The following TRHDE variants were observed in gnomAD, a reference collection of about 807,000 sequenced individuals.
TRHDE encodes the protein thyrotropin-releasing hormone-degrading ectoenzyme.
Under a neutral mutation model 125.7 loss-of-function variants are expected in TRHDE, and 72 were observed. The ratio of observed to expected loss-of-function variants is 0.57; its 90% CI spans 0.47 to 0.70. The LOEUF (loss-of-function observed/expected upper bound fraction) is 0.70, where lower values mean the gene tolerates loss of function less well. TRHDE is among the 30% of genes least tolerant of loss of function. The pLI is 0.00. For missense variants in TRHDE, 1,110 were observed against 1,327.1 expected (o/e 0.84, Z 2.54); for synonymous variants, 509 against 509.1 (o/e 1.00, Z 0.00).
intron 1 of TRHDE, among the ~76,000 whole-genome samples, chr12:72,286,417 G>A (rs1463869247): frequency 6.6e-6 from 1 of 152,152 alleles, no homozygotes; most frequent in African/African-American, 2.4e-5. Flanking sequence ...TCTGTACTGT[G>A]TAATGTTTCA....
upstream of TRHDE, among the ~76,000 whole-genome samples, chr12:72,268,901 T>TC (rs1288978535): frequency 1.3e-5 from 2 of 152,092 alleles, no homozygotes; most frequent in African/African-American, 4.8e-5. Context: ...AATAAAGTAA[T>TC]CATAAAATTC....
chr12:72,381,727 T>C (rs1214779772), intron 3 of TRHDE, among the ~76,000 whole-genome samples: 1 of 152,134 alleles, frequency 6.6e-6, no homozygotes, highest in Non-Finnish European at 1.5e-5. Context: ...AAATATGTGA[T>C]TGTAAGAGAA....
intron 5 of TRHDE, among the ~76,000 whole-genome samples, chr12:72,475,253 A>G (rs192890138): frequency 6.6e-6 from 1 of 152,286 alleles, no homozygotes; most frequent in Admixed American, 6.5e-5. Flanking sequence ...AACTTTGTTT[A>G]AATTTCTCAT....
rs190225133 is a variant in TRHDE at position 72,553,912 on chromosome 12, A to G, written c.1789-8253A>G. Among the ~76,000 whole-genome samples, 328 of 149,104 alleles carry G rather than the reference A, an allele frequency of 2.2e-3. 2 individuals carry two copies. The highest frequency in any genetic ancestry group is 7.6e-3 in the African/African-American group (306 of 40,396). ...CACCCAGGCTGGAGTACAATGGTAC[A>G]ACCTCAACGCACTGCAACTTCTGCC... On this transcript the variant is annotated intron_variant, in intron 7 of 18. Coordinates refer to ENST00000261180, the MANE Select transcript of TRHDE (RefSeq NM_013381.3).
chr12:72,359,425 CA>C (rs1366306201), intron 2 of TRHDE, among the ~76,000 whole-genome samples: 2 of 151,550 alleles, frequency 1.3e-5, no homozygotes, highest in Non-Finnish European at 3.0e-5. Context: ...CAATACAAAA[CA>C]ACACAGAAAA....
chr12:72,181,270 G>T (rs1190263749), intron 2 of TRHDE, among the ~76,000 whole-genome samples: 2 of 152,124 alleles, frequency 1.3e-5, no homozygotes, highest in Non-Finnish European at 2.9e-5. Context: ...TGCTTTCTAC[G>T]CAGAGAAGCC....
At chr12:72,406,287 A>G (rs2135808498) in intron 3 of TRHDE, among the ~76,000 whole-genome samples, 1 of 152,204 alleles carries the variant, frequency 6.6e-6, no homozygotes, top group Admixed American at 6.5e-5. Flanking sequence ...CTTCCAGGGG[A>G]ATTGTGTAGT....
chr12:72,390,702 C>A (rs1023683448), intron 3 of TRHDE, among the ~76,000 whole-genome samples: 6 of 152,244 alleles, frequency 3.9e-5, no homozygotes, highest in African/African-American at 1.4e-4. Context: ...AAAGACACTC[C>A]ATGATTACTT....
At chr12:72,131,469 A>G (rs1336389990) in intron 2 of TRHDE, among the ~76,000 whole-genome samples, 1 of 152,164 alleles carries the variant, frequency 6.6e-6, no homozygotes, top group Non-Finnish European at 1.5e-5. Flanking sequence ...TTTGTTAATG[A>G]ATAGATTTTT....
intron 2 of TRHDE, among the ~76,000 whole-genome samples, chr12:72,138,766 T>C (rs548298665): frequency 1.7e-4 from 26 of 152,370 alleles, no homozygotes; most frequent in African/African-American, 6.3e-4. Context: ...CCAGTGCTTG[T>C]AGGTCATCTG....
intron 2 of TRHDE, among the ~76,000 whole-genome samples, chr12:72,344,800 G>T (rs1870239727): frequency 6.6e-6 from 1 of 151,930 alleles, no homozygotes; most frequent in African/African-American, 2.4e-5. Context: ...CTCCTGCCTG[G>T]TCAAGCATCA....
chr12:72,235,254 T>C (rs1468141345), intron 2 of TRHDE, among the ~76,000 whole-genome samples: 1 of 152,200 alleles, frequency 6.6e-6, no homozygotes. Flanking sequence ...GTTTATTTTA[T>C]TGATCCAGTA....
intron 6 of TRHDE, among the ~76,000 whole-genome samples, chr12:72,532,294 GAATA>G (rs749904644): frequency 1.6e-4 from 24 of 151,556 alleles, no homozygotes; most frequent in Non-Finnish European, 2.4e-4. Context: ...TTAACTTAAT[GAATA>G]AATAATCTCT....
chr12:72,661,410 A>C (rs1874911300), intron 18 of TRHDE, among the ~76,000 whole-genome samples: 1 of 152,146 alleles, frequency 6.6e-6, no homozygotes, highest in Non-Finnish European at 1.5e-5. Flanking sequence ...ATAATTCAGA[A>C]TATACTTTAA....
At chr12:72,424,997 A>G (rs1874123678) in intron 3 of TRHDE, among the ~76,000 whole-genome samples, 2 of 152,196 alleles carry the variant, frequency 1.3e-5, no homozygotes, top group South Asian at 2.1e-4. Context: ...AAACCATTTT[A>G]TAGTCACTTT....
intron 3 of TRHDE, among the ~76,000 whole-genome samples, chr12:72,469,149 T>C (rs1409725446): frequency 1.3e-5 from 2 of 152,212 alleles, no homozygotes; most frequent in African/African-American, 2.4e-5. Context: ...TAATGTCGCA[T>C]AGCCAGTTGG....
At chr12:72,106,535 C>A (rs1025863978) in intron 2 of TRHDE, among the ~76,000 whole-genome samples, 2 of 152,012 alleles carry the variant, frequency 1.3e-5, no homozygotes, top group Non-Finnish European at 2.9e-5. Context: ...GTTAAAGAAG[C>A]TCAATACATT....
At chr12:72,110,192 A>G (rs1413668470) in intron 2 of TRHDE, among the ~76,000 whole-genome samples, 1 of 151,958 alleles carries the variant, frequency 6.6e-6, no homozygotes, top group Non-Finnish European at 1.5e-5. Context: ...CTGAGGACAC[A>G]TTTTCCCTAT....
chr12:72,433,243 T>C (rs148669888), intron 3 of TRHDE, among the ~76,000 whole-genome samples: 45 of 152,322 alleles, frequency 3.0e-4, no homozygotes, highest in Non-Finnish European at 4.9e-4. Context: ...TCATGAGATG[T>C]TGATCTATAC....
Sources: allele counts gnomAD v4.1 joint callset (sites outside exome capture counted in the v4.1 genomes callset), GRCh38; gene constraint gnomAD v4.1.1; transcripts MANE v1.5; gene names NCBI Gene and HGNC (gene_info 2026-07-23, HGNC 2026-07-21).